Variants in NTNG1 observed in about 807,000 individuals in gnomAD.
NTNG1 encodes netrin-G1.
In NTNG1, 16 loss-of-function variants were observed where a neutral mutation model predicts 54.0. That is an observed-to-expected ratio of 0.30 (90% CI 0.20 to 0.45). NTNG1 has a LOEUF of 0.45. Ranked by LOEUF, NTNG1 falls within the 20% of genes least tolerant of loss-of-function variation. NTNG1 has a pLI of 1.00. For synonymous variants in NTNG1, 255 were observed against 263.1 expected, an observed-to-expected ratio of 0.97 and a Z score of 0.30; for missense variants, 530 against 678.7, an observed-to-expected ratio of 0.78 and a Z score of 2.43.
At chr1:107,233,805 T>G (rs1447291447) in intron 2 of NTNG1, among the ~76,000 whole-genome samples, 1 of 152,244 alleles carries the variant, frequency 6.6e-6, no homozygotes, top group Non-Finnish European at 1.5e-5. Context: ...GACATTTTTT[T>G]GCTCCTTTTT....
chr1:107,372,756 G>A (rs1166287156), intron 3 of NTNG1, among the ~76,000 whole-genome samples: 6 of 152,048 alleles, frequency 3.9e-5, no homozygotes, highest in Middle Eastern at 3.4e-3. Flanking sequence ...GAAACACCTC[G>A]CCATCATTTT....
chr1:107,189,854 G>A (rs185889997), intron 2 of NTNG1, among the ~76,000 whole-genome samples: 22 of 151,592 alleles, frequency 1.5e-4, no homozygotes, highest in African/African-American at 5.1e-4. Flanking sequence ...TACTGGATCA[G>A]GTATTTGTGT....
Position 107,480,520 on chromosome 1 carries a change from G to A in NTNG1, c.1391-91G>A, listed in dbSNP as rs1678620571. On this transcript the variant is annotated intron_variant, in intron 7 of 7. Coordinates refer to ENST00000370068, the MANE Select transcript of NTNG1 (RefSeq NM_001113226.3). The stretch of plus-strand genomic sequence containing the variant: ...AAGATCGATAGAGATTTTTTTTTTA[G>A]GCTGAAAACATGATGTACCAGATGA... The A allele has an allele frequency of 7.7e-6, 6 of 774,918 alleles. No individual in the cohort carries two copies. The Admixed American group carries it at 1.7e-4, about 22-fold the overall frequency. The allele number at this position is 774,918 out of a possible 1,614,324, so 48.0% of individuals were successfully genotyped here.
intron 2 of NTNG1, among the ~76,000 whole-genome samples, chr1:107,209,348 A>G (rs991026906): frequency 2.0e-5 from 3 of 152,098 alleles, no homozygotes; most frequent in African/African-American, 7.2e-5. Context: ...CATGATGAAG[A>G]TGCCTCAAAA....
chr1:107,158,434 C>A (rs1416527431), intron 2 of NTNG1, among the ~76,000 whole-genome samples: 1 of 152,100 alleles, frequency 6.6e-6, no homozygotes, highest in Non-Finnish European at 1.5e-5. Flanking sequence ...CTTTGACCTG[C>A]TTTGAAGCTG....
At chr1:107,384,977 T>C (rs969431619) in intron 3 of NTNG1, among the ~76,000 whole-genome samples, 4 of 152,234 alleles carry the variant, frequency 2.6e-5, no homozygotes, top group African/African-American at 9.6e-5. Context: ...TAATAAAGAA[T>C]GGAATCATAG....
At chr1:107,364,366 C>CT (rs1670465633) in intron 3 of NTNG1, among the ~76,000 whole-genome samples, 1 of 152,240 alleles carries the variant, frequency 6.6e-6, no homozygotes, top group Admixed American at 6.5e-5. Context: ...TATTATTAAA[C>CT]TTTTAGCTTT....
chr1:107,446,697 G>C (rs1311500545), intron 7 of NTNG1, among the ~76,000 whole-genome samples: 4 of 151,956 alleles, frequency 2.6e-5, no homozygotes, highest in Admixed American at 1.3e-4. Context: ...ATTACCCACA[G>C]GAATAATGTT....
chr1:107,152,892 T>A (rs1654688622), intron 2 of NTNG1, among the ~76,000 whole-genome samples: 1 of 152,100 alleles, frequency 6.6e-6, no homozygotes, highest in South Asian at 2.1e-4. Context: ...ACTGAAATAA[T>A]TAAAAGAAAA....
intron 3 of NTNG1, among the ~76,000 whole-genome samples, chr1:107,327,143 G>A (rs1454984972): frequency 6.6e-6 from 1 of 152,118 alleles, no homozygotes; most frequent in Non-Finnish European, 1.5e-5. Flanking sequence ...AGGTCCAGTA[G>A]AGGTGAGCCC....
Position 107,250,730 on chromosome 1 carries a change from G to A in NTNG1, c.247-73552G>A, listed in dbSNP as rs544396704. On this transcript the variant is annotated intron_variant, in intron 2 of 7. Transcript: ENST00000370068. ...ATCCAGGCAAGAGGGTCGGCCCTGC[G>A]TCAACCAGTCATTGGAAGTGAGCTG... 3.8e-4 allele frequency among the ~76,000 whole-genome samples: 58 copies of A among 152,284 alleles called. No homozygotes were observed. In the East Asian group the frequency reaches 9.7e-3, roughly 25 times the overall value.
At chr1:107,150,423 T>G (rs1270181098) in intron 2 of NTNG1, among the ~76,000 whole-genome samples, 1 of 152,102 alleles carries the variant, frequency 6.6e-6, no homozygotes, top group Non-Finnish European at 1.5e-5. Context: ...AAATTGCTGT[T>G]TGGGTGATAG....
At chr1:107,460,055 A>G (rs1250632140) in intron 7 of NTNG1, among the ~76,000 whole-genome samples, 1 of 152,122 alleles carries the variant, frequency 6.6e-6, no homozygotes, top group African/African-American at 2.4e-5. Flanking sequence ...TTAAGATAAG[A>G]TTAGAAAATA....
intron 7 of NTNG1, chr1:107,460,494 C>T: frequency 2.0e-6 from 1 of 493,300 alleles, no homozygotes; most frequent in Admixed American, 2.1e-5. Flanking sequence ...GAAATTATTT[C>T]CTCTATGGCC....
At chr1:107,285,120 G>A (rs1665105974) in intron 2 of NTNG1, among the ~76,000 whole-genome samples, 2 of 152,050 alleles carry the variant, frequency 1.3e-5, no homozygotes, top group Admixed American at 1.3e-4. Flanking sequence ...AGGAAAATAT[G>A]GATTAAACTC....
intron 2 of NTNG1, among the ~76,000 whole-genome samples, chr1:107,244,845 A>T (rs935562875): frequency 6.6e-6 from 1 of 152,198 alleles, no homozygotes; most frequent in African/African-American, 2.4e-5. Flanking sequence ...GCACTGGAGA[A>T]TTTAGCTGTC....
chr1:107,333,362 G>A (rs1668392557), intron 3 of NTNG1, among the ~76,000 whole-genome samples: 1 of 151,870 alleles, frequency 6.6e-6, no homozygotes. Flanking sequence ...TTCTCAGGAT[G>A]TACTCTTCAA....
At chr1:107,184,934 A>G (rs549995371) in intron 2 of NTNG1, among the ~76,000 whole-genome samples, 1 of 152,254 alleles carries the variant, frequency 6.6e-6, no homozygotes, top group South Asian at 2.1e-4. Flanking sequence ...CACTGGGAGA[A>G]CTCAACAGCT....
At chr1:107,302,909 A>G (rs1666413566) in intron 2 of NTNG1, among the ~76,000 whole-genome samples, 1 of 152,176 alleles carries the variant, frequency 6.6e-6, no homozygotes, top group Admixed American at 6.5e-5. Context: ...GATGCTAATA[A>G]ATTATGGCAC....
Sources: allele counts gnomAD v4.1 joint callset (sites outside exome capture counted in the v4.1 genomes callset), GRCh38; gene constraint gnomAD v4.1.1; transcripts MANE v1.5; gene names NCBI Gene and HGNC (gene_info 2026-07-23, HGNC 2026-07-21).